The following USP32 variants were observed in gnomAD, a reference collection of about 807,000 sequenced individuals.
USP32 encodes the protein ubiquitin carboxyl-terminal hydrolase 32.
Under a neutral mutation model 204.8 loss-of-function variants are expected in USP32, and 59 were observed. The observed-to-expected ratio is 0.29, with a 90% CI of 0.23 to 0.36. USP32 has a LOEUF of 0.36. Ranked by LOEUF, USP32 falls within the 10% of genes least tolerant of loss-of-function variation. The pLI is 1.00. For synonymous variants in USP32, 517 were observed against 678.4 expected, an observed-to-expected ratio of 0.76 and a Z score of 3.70; for missense variants, 1,160 against 1,946.4, an observed-to-expected ratio of 0.60 and a Z score of 7.60.
chr17:60,195,588 T>G (rs905490117), intron 27 of USP32, among the ~76,000 whole-genome samples: 16 of 152,226 alleles, frequency 1.1e-4, no homozygotes, highest in African/African-American at 3.9e-4. Flanking sequence ...TTCTCCCACC[T>G]TGGCCTCCCG....
intron 4 of USP32, 51 bp from the exon 5 acceptor site, chr17:60,288,733 A>AC (rs1216264296): frequency 2.6e-6 from 4 of 1,513,620 alleles, no homozygotes; most frequent in Non-Finnish European, 3.6e-6. Flanking sequence ...AAGGTATCTT[A>AC]CTTGGAACCT....
Position 60,392,026 on chromosome 17 carries a change from G to A in USP32, c.-87C>T, listed in dbSNP as rs1215896368. 67 of 1,462,266 alleles carry A rather than the reference G, an allele frequency of 4.6e-5. No homozygotes were observed. The highest frequency in any genetic ancestry group is 5.4e-5 in the Non-Finnish European group (58 of 1,076,866). 90.6% of individuals were successfully genotyped at this position (1,462,266 alleles called of 1,614,324 possible). A position where few individuals can be genotyped will look rare whatever the true frequency, so the allele number is the denominator to read the frequency against. Reference sequence around the variant, plus strand: ...TTCTCCTCGGCGTCCCTGGGTGACGGTGACGGTGTCGGCGTCCCCCGCCCC... The same window carrying A: ...TTCTCCTCGGCGTCCCTGGGTGACGATGACGGTGTCGGCGTCCCCCGCCCC... On this transcript the variant is annotated 5_prime_UTR_variant, in exon 1 of 34. Coordinates refer to ENST00000300896, the MANE Select transcript of USP32 (RefSeq NM_032582.4).
chr17:60,391,223 A>T (rs1236675407), intron 1 of USP32, among the ~76,000 whole-genome samples: 1 of 152,128 alleles, frequency 6.6e-6, no homozygotes, highest in Non-Finnish European at 1.5e-5. Context: ...AGGAGATGAA[A>T]CCTAAGACAA....
At position 60,290,261 on chromosome 17, in the gene USP32, T is replaced by G. The variant is rs73318846; in HGVS notation, c.412-1579A>C. Among the ~76,000 whole-genome samples the G allele has an allele frequency of 3.4e-3, 513 of 152,330 alleles. 5 individuals carry two copies. Among genetic ancestry groups the G allele is most frequent in the African/African-American group, 0.011 (449 of 41,570 alleles). On this transcript the variant is annotated intron_variant, in intron 4 of 33. Transcript: ENST00000300896. ...CAATGAACTTTCTCTCAGGACCATA[T>G]GTAACACTCCCATTTTTAGAAAACT...
intron 1 of USP32, among the ~76,000 whole-genome samples, chr17:60,349,607 A>ATATATATATATATAT (rs2088885163): frequency 1.4e-5 from 1 of 70,436 alleles, no homozygotes; most frequent in African/African-American, 1.1e-4. Flanking sequence ...ATATATATAT[A>ATATATATATATATAT]TATATATATA....
intron 5 of USP32, among the ~76,000 whole-genome samples, chr17:60,276,997 A>T (rs1009274443): frequency 4.0e-5 from 6 of 151,340 alleles, no homozygotes; most frequent in Admixed American, 3.9e-4. Context: ...ATGAATTGGC[A>T]GCTAAATTAC....
rs753147497 is a variant in USP32 at position 60,345,606 on chromosome 17, T to A, written c.61A>T (p.Thr21Ser). The A allele has an allele frequency of 1.2e-5, 20 of 1,613,950 alleles. No individual in the cohort carries two copies. In the South Asian group the frequency reaches 2.1e-4, roughly 17 times the overall value. Residue 21 changes from threonine to serine, a missense_variant and splice_region_variant, in exon 2 of 34, where the codon ACA (threonine) becomes TCA (serine). This residue lies in a region of USP32 where 536 missense variants were observed against 680.9 expected (regional missense o/e 0.79). Coordinates refer to ENST00000300896, the MANE Select transcript of USP32 (RefSeq NM_032582.4). ...LSYEEALRRV[T>S]DVELKRLKDA... ...TTCAGTCGTTTTAGCTCTACATCTG[T>A]AACTGCAATTCAGAAACAGAAGATG...
chr17:60,321,069 G>A (rs2088101427), intron 2 of USP32, among the ~76,000 whole-genome samples: 1 of 152,076 alleles, frequency 6.6e-6, no homozygotes, highest in Non-Finnish European at 1.5e-5. Context: ...TCTAACCAGA[G>A]GACTGAAAAT....
intron 1 of USP32, among the ~76,000 whole-genome samples, chr17:60,355,009 A>T (rs1419996372): frequency 3.3e-5 from 5 of 152,214 alleles, no homozygotes; most frequent in African/African-American, 9.6e-5. Flanking sequence ...GCGCCACCGC[A>T]CCCCAGCCTG....
chr17:60,192,898 G>C lies in USP32; in HGVS notation c.3467C>G (p.Thr1156Ser), dbSNP rs761395232. 1 of 1,613,884 alleles carries C rather than the reference G, an allele frequency of 6.2e-7. No homozygotes were observed. The highest frequency in any genetic ancestry group is 8.5e-7 in the Non-Finnish European group (1 of 1,179,856). ...CCCATCTTTCTGCACAACTCGTAGA[G>C]TGAATGGATATTGATAGCCCATACT... ...DDSMGYQYPF[T>S]LRVVQKDGNS... is the part of the protein sequence containing the mutation. Residue 1156 changes from threonine to serine, a missense_variant, in exon 28 of 34, where the codon ACT becomes AGT. Physicochemically the swap from Thr to Ser is moderately conservative, Grantham distance 58. Around this residue, in one of 8 missense-constraint regions of USP32, gnomAD observed 160 missense variants for 322.5 expected, o/e 0.50. Coordinates refer to ENST00000300896, the MANE Select transcript of USP32 (RefSeq NM_032582.4).
chr17:60,378,690 A>C (rs575877528), intron 1 of USP32, among the ~76,000 whole-genome samples: 49 of 152,298 alleles, frequency 3.2e-4, no homozygotes, highest in African/African-American at 1.1e-3. Flanking sequence ...GAAAGGTCAA[A>C]TATTGTACGA....
intron 2 of USP32, among the ~76,000 whole-genome samples, chr17:60,341,958 T>C (rs1053155544): frequency 2.0e-5 from 3 of 152,230 alleles, no homozygotes; most frequent in African/African-American, 7.2e-5. Flanking sequence ...GGCGAGGAGC[T>C]GCGATCCTTT....
At chr17:60,403,921 G>T (rs974160808) in intron 1 of USP32, among the ~76,000 whole-genome samples, 1 of 151,850 alleles carries the variant, frequency 6.6e-6, no homozygotes, top group Non-Finnish European at 1.5e-5. Context: ...ACGCCTGTGG[G>T]TCCCAGCTAC....
chr17:60,304,934 A>G (rs1385934757), intron 2 of USP32: 1 of 152,236 alleles, frequency 6.6e-6, no homozygotes, highest in Non-Finnish European at 1.5e-5. Context: ...ATGACTCCAC[A>G]AGGAATACTG....
intron 1 of USP32, among the ~76,000 whole-genome samples, chr17:60,351,192 T>TA (rs1475152950): frequency 6.6e-6 from 1 of 152,074 alleles, no homozygotes; most frequent in African/African-American, 2.4e-5. Flanking sequence ...GAGGAGTAGT[T>TA]AGACTCTCTG....
At chr17:60,355,575 A>G (rs1035893001) in intron 1 of USP32, among the ~76,000 whole-genome samples, 1 of 152,064 alleles carries the variant, frequency 6.6e-6, no homozygotes, top group African/African-American at 2.4e-5. Flanking sequence ...AAAATGACTG[A>G]GCTGAGTGCG....
intron 9 of USP32, 40 bp from the exon 10 acceptor site, chr17:60,255,298 C>CTTTTTTTTT (rs747340163): frequency 1.0e-5 from 11 of 1,101,220 alleles, no homozygotes; most frequent in African/African-American, 5.5e-5. Flanking sequence ...TCTTTTTTTT[C>CTTTTTTTTT]TTTTTTTTTT....
At chr17:60,277,893 T>TAA (rs60396534) in intron 5 of USP32, among the ~76,000 whole-genome samples, 1 of 148,562 alleles carries the variant, frequency 6.7e-6, no homozygotes, top group African/African-American at 2.5e-5. Context: ...ATATGACTAT[T>TAA]AAAAAAATAA....
At chr17:60,322,905 T>A (rs1025637990) in intron 2 of USP32, among the ~76,000 whole-genome samples, 3 of 152,164 alleles carry the variant, frequency 2.0e-5, no homozygotes, top group East Asian at 3.8e-4. Context: ...ATCAAGAAAT[T>A]TGAACATCTG....
Sources: allele counts gnomAD v4.1 joint callset (sites outside exome capture counted in the v4.1 genomes callset), GRCh38; gene constraint gnomAD v4.1.1; regional missense constraint gnomAD v4.1.1; transcripts MANE v1.5; gene names NCBI Gene and HGNC (gene_info 2026-07-23, HGNC 2026-07-21).